GLT1D1: variants seen among roughly 807,000 people sequenced by gnomAD.
GLT1D1 encodes the protein glycosyltransferase 1 domain-containing protein 1.
GLT1D1 carries 21 observed loss-of-function variants against 28.7 expected under a neutral mutation model. The observed-to-expected ratio is 0.73, with a 90% CI of 0.52 to 1.05. GLT1D1 has a LOEUF of 1.05. GLT1D1 is among the 50% of genes least tolerant of loss of function. The pLI, the probability that GLT1D1 is intolerant of heterozygous loss-of-function variation, is 0.00. For synonymous variants in GLT1D1, 147 were observed against 124.8 expected (o/e 1.18, Z -1.19); for missense variants, 343 against 330.6 (o/e 1.04, Z -0.29).
chr12:128,912,289 C>T, intron 4 of GLT1D1, 135 bp from the exon 5 acceptor site: 1 of 497,168 alleles, frequency 2.0e-6, no homozygotes, highest in South Asian at 3.5e-5. Flanking sequence ...AGTCTATGAG[C>T]AGCTGTGTAG....
chr12:128,963,473 C>T (rs1878161990), intron 7 of GLT1D1, among the ~76,000 whole-genome samples: 1 of 151,976 alleles, frequency 6.6e-6, no homozygotes, highest in African/African-American at 2.4e-5. Flanking sequence ...ATGGTGAATC[C>T]CCATCTCTAC....
At chr12:128,917,135 G>A (rs893686518) in intron 4 of GLT1D1, among the ~76,000 whole-genome samples, 9 of 152,082 alleles carry the variant, frequency 5.9e-5, no homozygotes, top group East Asian at 1.9e-4. Context: ...TGGTGCCTTC[G>A]TTGAAAGTCA....
chr12:128,928,067 C>T (rs945344645), intron 4 of GLT1D1, among the ~76,000 whole-genome samples: 1 of 148,664 alleles, frequency 6.7e-6, no homozygotes, highest in African/African-American at 2.5e-5. Context: ...CATAGGAGTC[C>T]TATAAAAAGA....
chr12:128,930,076 A>G (rs982228547), intron 4 of GLT1D1, among the ~76,000 whole-genome samples: 1 of 152,268 alleles, frequency 6.6e-6, no homozygotes, highest in African/African-American at 2.4e-5. Flanking sequence ...CAGTTTGTTA[A>G]CATACACCCA....
chr12:128,957,564 C>A lies in GLT1D1; in HGVS notation c.560C>A (p.Pro187Gln). The A allele has an allele frequency of 6.2e-7, 1 of 1,612,932 alleles. No individual in the cohort carries two copies. The highest frequency in any genetic ancestry group is 1.7e-5 in the Admixed American group (1 of 59,998). ...CTCCAGGCAATGGATTTAGAAGTACCGGTATTGGCCAGGAACATCCCCGGG... is the reference window on the plus strand; with the variant it reads ...CTCCAGGCAATGGATTTAGAAGTACAGGTATTGGCCAGGAACATCCCCGGG... Residue 187 changes from proline to glutamine, a missense_variant, in exon 7 of 8, where the codon CCG becomes CAG. By Grantham distance (76) the Pro-to-Gln change is moderately conservative. Coordinates refer to ENST00000281703, the MANE Select transcript of GLT1D1 (RefSeq NM_144669.3).
intron 7 of GLT1D1, among the ~76,000 whole-genome samples, chr12:128,969,166 C>T (rs1878783514): frequency 8.2e-6 from 1 of 122,032 alleles, no homozygotes; most frequent in Non-Finnish European, 1.6e-5. Flanking sequence ...CTCTGATTGT[C>T]TCTTCCTCTG....
chr12:128,853,549 G>A lies in GLT1D1; in HGVS notation c.-33G>A. On this transcript the variant is annotated 5_prime_UTR_variant, in exon 1 of 8. Coordinates refer to ENST00000281703, the MANE Select transcript of GLT1D1 (RefSeq NM_144669.3). Reference sequence around the variant, plus strand: ...CCCCGGGGCCTGGTCGGCGGCGGCGGGGCCGGTCGATGGCCCGGGCGGCGG... The same window carrying A: ...CCCCGGGGCCTGGTCGGCGGCGGCGAGGCCGGTCGATGGCCCGGGCGGCGG... 1 of 1,052,370 alleles carries A rather than the reference G, an allele frequency of 9.5e-7. No individual in the cohort carries two copies. 65.2% of individuals were successfully genotyped at this position (1,052,370 alleles called of 1,614,324 possible).
intron 7 of GLT1D1, among the ~76,000 whole-genome samples, chr12:128,977,765 CTTTTTTCTTTTTTCTTTTT>C (rs1163644532): frequency 1.4e-5 from 2 of 141,374 alleles, no homozygotes; most frequent in Non-Finnish European, 3.1e-5. Context: ...GAGTTCTTTT[CTTTTTTCTTTTTTCTTTTT>C]TTTTTTTTTT....
At chr12:128,962,423 A>G (rs1224564210) in intron 7 of GLT1D1, among the ~76,000 whole-genome samples, 7 of 152,246 alleles carry the variant, frequency 4.6e-5, no homozygotes, top group African/African-American at 1.4e-4. Context: ...GGCAGCAGCA[A>G]TGAGGTCTTT....
intron 7 of GLT1D1, among the ~76,000 whole-genome samples, chr12:128,966,138 A>G (rs1321552742): frequency 6.6e-6 from 1 of 152,220 alleles, no homozygotes; most frequent in Admixed American, 6.5e-5. Flanking sequence ...CAACCACTGC[A>G]TCTTTCTGTA....
intron 4 of GLT1D1, among the ~76,000 whole-genome samples, chr12:128,909,089 C>T (rs1593117619): frequency 6.6e-6 from 1 of 152,204 alleles, no homozygotes; most frequent in Non-Finnish European, 1.5e-5. Context: ...AGGACACCAA[C>T]GCTTCTTCCT....
chr12:128,919,101 A>G (rs570129074), intron 4 of GLT1D1, among the ~76,000 whole-genome samples: 1 of 152,282 alleles, frequency 6.6e-6, no homozygotes, highest in African/African-American at 2.4e-5. Flanking sequence ...ATGATCAGGC[A>G]TCTGTTCGCA....
chr12:128,901,583 C>T (rs1870272157), intron 4 of GLT1D1, among the ~76,000 whole-genome samples: 1 of 151,684 alleles, frequency 6.6e-6, no homozygotes, highest in Admixed American at 6.6e-5. Context: ...ACTACAGGCG[C>T]CCACCACAAC....
chr12:128,864,488 G>C (rs1312621798), intron 1 of GLT1D1, among the ~76,000 whole-genome samples: 1 of 152,196 alleles, frequency 6.6e-6, no homozygotes, highest in Non-Finnish European at 1.5e-5. Context: ...GCACCTGAAG[G>C]TCCGTGGAGA....
At chr12:128,875,236 G>A (rs1487851725) in intron 1 of GLT1D1, among the ~76,000 whole-genome samples, 1 of 152,162 alleles carries the variant, frequency 6.6e-6, no homozygotes, top group African/African-American at 2.4e-5. Context: ...AGAAAATGTG[G>A]AATTAAGGAA....
At chr12:128,858,529 G>A (rs1956282097) in intron 1 of GLT1D1, among the ~76,000 whole-genome samples, 1 of 152,078 alleles carries the variant, frequency 6.6e-6, no homozygotes, top group Non-Finnish European at 1.5e-5. Context: ...AAAATTAGCT[G>A]GGCGTGGTGG....
In GLT1D1 at chr12:128,883,545, G is replaced by A. The variant is rs1271621402; in HGVS notation, c.218-5094G>A. 2.7e-5 allele frequency among the ~76,000 whole-genome samples: 4 copies of A among 147,960 alleles called. No homozygotes were observed. In the South Asian group the frequency reaches 6.5e-4, roughly 24 times the overall value. On this transcript the variant is annotated intron_variant, in intron 2 of 7. Coordinates refer to ENST00000281703, the MANE Select transcript of GLT1D1 (RefSeq NM_144669.3). ...ACGGAGCTTGCAGTGAGCTGAGATCGCGCCACTGCACTCTAGCCTGGGCGA... is the reference window on the plus strand; with the variant it reads ...ACGGAGCTTGCAGTGAGCTGAGATCACGCCACTGCACTCTAGCCTGGGCGA...
intron 4 of GLT1D1, among the ~76,000 whole-genome samples, chr12:128,910,697 C>A (rs1368857038): frequency 1.6e-5 from 2 of 125,174 alleles, no homozygotes; most frequent in African/African-American, 5.5e-5. Context: ...TTTTTTTTTT[C>A]ATTAAAGTTA....
intron 7 of GLT1D1, among the ~76,000 whole-genome samples, chr12:128,961,306 C>T (rs1877917029): frequency 6.6e-6 from 1 of 152,078 alleles, no homozygotes; most frequent in Admixed American, 6.5e-5. Flanking sequence ...GCTAAAAGCC[C>T]AAGAATCAGG....
Sources: allele counts gnomAD v4.1 joint callset (sites outside exome capture counted in the v4.1 genomes callset), GRCh38; gene constraint gnomAD v4.1.1; transcripts MANE v1.5; gene names NCBI Gene and HGNC (gene_info 2026-07-23, HGNC 2026-07-21).